CDKAL1: variants seen among roughly 807,000 people sequenced by gnomAD.
The protein encoded by CDKAL1 is threonylcarbamoyladenosine tRNA methylthiotransferase.
Under a neutral mutation model 68.2 loss-of-function variants are expected in CDKAL1, and 32 were observed. The ratio of observed to expected loss-of-function variants is 0.47; its 90% CI spans 0.35 to 0.63. CDKAL1 has a LOEUF of 0.63. Among genes scored for constraint, CDKAL1 ranks in the 30% least tolerant of loss-of-function variants. CDKAL1 has a pLI of 0.00. For synonymous variants in CDKAL1, 234 were observed against 244.3 expected (o/e 0.96, Z 0.39); for missense variants, 606 against 696.7 (o/e 0.87, Z 1.47).
intron 15 of CDKAL1, among the ~76,000 whole-genome samples, chr6:21,222,809 G>A (rs1779584550): frequency 6.6e-6 from 1 of 152,138 alleles, no homozygotes; most frequent in Non-Finnish European, 1.5e-5. Flanking sequence ...TTTGGAAGCT[G>A]CACCGCAAGA....
At chr6:20,856,422 C>G (rs754963152) in intron 9 of CDKAL1, among the ~76,000 whole-genome samples, 2 of 152,152 alleles carry the variant, frequency 1.3e-5, no homozygotes, top group Non-Finnish European at 2.9e-5. Context: ...GCTGTTCCAG[C>G]ACAATTGAAT....
intron 10 of CDKAL1, 104 bp from the exon 11 acceptor site, chr6:21,000,123 T>C (rs1767351470): frequency 1.2e-6 from 1 of 803,774 alleles, no homozygotes. Flanking sequence ...TTGGTCTGTT[T>C]TCAGCTAGTA....
rs538330492 is a variant in CDKAL1 at position 21,176,703 on chromosome 6, T to G, written c.1300-21318T>G. 2.5e-4 allele frequency among the ~76,000 whole-genome samples: 37 copies of G among 147,420 alleles called. 2 individuals are homozygous for G. The South Asian group carries it at 2.6e-3, about 10-fold the overall frequency. On this transcript the variant is annotated intron_variant, in intron 13 of 15. Transcript: ENST00000274695. ...GTTGGTTTTTTTTTTTTTGTTTTTT[T>G]TTTTTTTTTGAGACGGAGTCTGACT...
intron 9 of CDKAL1, among the ~76,000 whole-genome samples, chr6:20,889,559 G>A (rs992142337): frequency 6.6e-6 from 1 of 152,106 alleles, no homozygotes; most frequent in Non-Finnish European, 1.5e-5. Context: ...TAAGGTGTAA[G>A]GAAGGGATCC....
intron 9 of CDKAL1, among the ~76,000 whole-genome samples, chr6:20,868,402 C>T (rs2150535775): frequency 6.6e-6 from 1 of 152,316 alleles, no homozygotes; most frequent in East Asian, 1.9e-4. Context: ...GGTACATTCT[C>T]TTCAAGACAG....
At chr6:21,161,446 T>C (rs1776922225) in intron 13 of CDKAL1, among the ~76,000 whole-genome samples, 1 of 152,186 alleles carries the variant, frequency 6.6e-6, no homozygotes, top group Admixed American at 6.5e-5. Context: ...GTAGCTCTCT[T>C]TTCAGTCAGT....
chr6:20,908,009 G>A (rs190134040), intron 9 of CDKAL1, among the ~76,000 whole-genome samples: 189 of 152,294 alleles, frequency 1.2e-3, no homozygotes, highest in Non-Finnish European at 2.0e-3. Flanking sequence ...TTCATTCAGA[G>A]AGCACTGGCT....
In CDKAL1 at chr6:21,002,435, G is replaced by A. The variant is rs541960264; in HGVS notation, c.1055+2063G>A. 1.3e-4 allele frequency among the ~76,000 whole-genome samples: 20 copies of A among 152,170 alleles called. 1 individual carries two copies. Among genetic ancestry groups the A allele is most frequent in the South Asian group, 8.3e-4 (4 of 4,822 alleles). On this transcript the variant is annotated intron_variant, in intron 11 of 15. Coordinates refer to ENST00000274695, the MANE Select transcript of CDKAL1 (RefSeq NM_017774.3). ...ATAGTTTCAGTTTCAAGTGCCATGC[G>A]TCAATTAGATTGTAGAGTATGAGTC...
chr6:21,070,344 TTTTG>T (rs1360121325), intron 12 of CDKAL1, among the ~76,000 whole-genome samples: 1 of 152,022 alleles, frequency 6.6e-6, no homozygotes, highest in African/African-American at 2.4e-5. Flanking sequence ...AGTGTGAATT[TTTTG>T]TTTGTTTATT....
chr6:20,941,777 A>C (rs1017950022), intron 9 of CDKAL1, among the ~76,000 whole-genome samples: 1 of 152,200 alleles, frequency 6.6e-6, no homozygotes, highest in Non-Finnish European at 1.5e-5. Flanking sequence ...TTTGGGGCAA[A>C]GAAAAGGTGA....
At position 20,548,628 on chromosome 6, in the gene CDKAL1, C is replaced by A. The variant is rs1419978341; in HGVS notation, c.209C>A (p.Thr70Lys). 1 of 1,591,814 alleles carries A rather than the reference C, an allele frequency of 6.3e-7. No homozygotes were observed. The highest frequency in any genetic ancestry group is 8.6e-7 in the Non-Finnish European group (1 of 1,162,880). Reference sequence around the variant, plus strand: ...GGCATACAGAAAATTTGGATACGAACATGGGGTTGTTCTCATAATAATTCA... The same window carrying A: ...GGCATACAGAAAATTTGGATACGAAAATGGGGTTGTTCTCATAATAATTCA... ...IPGIQKIWIR[T>K]WGCSHNNSDG... Residue 70 changes from threonine to lysine, a missense_variant, in exon 4 of 16, where the codon ACA (threonine) becomes AAA (lysine). Physicochemically the swap from Thr to Lys is moderately conservative, Grantham distance 78 (BLOSUM62 -1). Coordinates refer to ENST00000274695, the MANE Select transcript of CDKAL1 (RefSeq NM_017774.3).
intron 5 of CDKAL1, among the ~76,000 whole-genome samples, chr6:20,658,578 T>A (rs539512737): frequency 6.6e-6 from 1 of 152,328 alleles, no homozygotes; most frequent in Admixed American, 6.5e-5. Context: ...TTATGTAGAT[T>A]TATTTTTGAG....
In CDKAL1 at chr6:20,901,837, C is replaced by T. The variant is rs866742748; in HGVS notation, c.743-53582C>T. ...TGTCATCCAGGCTGGAGTACCATGG[C>T]GCAATCTCAGCTCACTGCAACCTCT... On this transcript the variant is annotated intron_variant, in intron 9 of 15. Transcript: ENST00000274695. Among the ~76,000 whole-genome samples, 229 of 151,898 alleles carry T rather than the reference C, an allele frequency of 1.5e-3. 3 individuals carry two copies. The highest frequency in any genetic ancestry group is 4.9e-3 in the African/African-American group (203 of 41,460).
At chr6:21,206,975 C>T (rs1252216716) in intron 15 of CDKAL1, among the ~76,000 whole-genome samples, 5 of 151,074 alleles carry the variant, frequency 3.3e-5, no homozygotes, top group South Asian at 4.2e-4. Flanking sequence ...CACCCAGGCG[C>T]GATCTCGGCT....
At chr6:20,743,199 A>G (rs968452340) in intron 6 of CDKAL1, among the ~76,000 whole-genome samples, 33 of 152,190 alleles carry the variant, frequency 2.2e-4, no homozygotes, top group African/African-American at 7.5e-4. Flanking sequence ...AAAGAATGCT[A>G]TTCCTTCACA....
intron 12 of CDKAL1, among the ~76,000 whole-genome samples, chr6:21,097,830 A>G (rs996994722): frequency 1.3e-5 from 2 of 152,266 alleles, no homozygotes; most frequent in African/African-American, 4.8e-5. Context: ...AATTTTTACA[A>G]TGATTGTCTT....
chr6:20,923,864 T>A (rs2150657302), intron 9 of CDKAL1, among the ~76,000 whole-genome samples: 1 of 152,220 alleles, frequency 6.6e-6, no homozygotes, highest in Non-Finnish European at 1.5e-5. Flanking sequence ...TACAAAAGAT[T>A]ATCCAGGTGT....
At chr6:21,009,054 C>T (rs1057432911) in intron 11 of CDKAL1, among the ~76,000 whole-genome samples, 1 of 152,118 alleles carries the variant, frequency 6.6e-6, no homozygotes, top group African/African-American at 2.4e-5. Flanking sequence ...TTACATGGTA[C>T]TAAGTGGTTT....
In CDKAL1 at chr6:20,992,208, A is replaced by ATATATATATATGTATG. The variant is rs200094831; in HGVS notation, c.910-8016_910-8015insATATATATGTATGTAT. Among the ~76,000 whole-genome samples the ATATATATATATGTATG allele has an allele frequency of 1.0e-4, 15 of 144,614 alleles. 2 individuals are homozygous for ATATATATATATGTATG. Among genetic ancestry groups the ATATATATATATGTATG allele is most frequent in the African/African-American group, 4.2e-4 (15 of 35,400 alleles). 94.9% of individuals were successfully genotyped at this position (144,614 alleles called of 152,430 possible). ...ATAGTCAGCTTTTTTATATATATATATATGTATTTTGTATTATATGTATAT... is the reference window on the plus strand; with the variant it reads ...ATAGTCAGCTTTTTTATATATATATATATATATATATGTATGTATGTATTTTGTATTATATGTATAT... On this transcript the variant is annotated intron_variant, in intron 10 of 15. Transcript: ENST00000274695.
Sources: allele counts gnomAD v4.1 joint callset (sites outside exome capture counted in the v4.1 genomes callset), GRCh38; gene constraint gnomAD v4.1.1; transcripts MANE v1.5; gene names NCBI Gene and HGNC (gene_info 2026-07-23, HGNC 2026-07-21).